MASTL: variants seen among roughly 807,000 people sequenced by gnomAD.
MASTL encodes serine/threonine-protein kinase greatwall.
In MASTL, 54 loss-of-function variants were observed where a neutral mutation model predicts 82.5. The observed-to-expected ratio is 0.65, with a 90% CI of 0.53 to 0.82. MASTL has a LOEUF of 0.82. Ranked by LOEUF, MASTL falls within the 40% of genes least tolerant of loss-of-function variation. The probability of loss-of-function intolerance (pLI) is 0.00; values close to 1 mark genes in which losing one functional copy is unlikely to be tolerated. For missense variants in MASTL, 950 were observed against 1,047.8 expected (o/e 0.91, Z 1.29); for synonymous variants, 323 against 368.9 (o/e 0.88, Z 1.43).
rs115786098 is a variant in MASTL, at chr10:27,183,733, T to C, written c.2482+2152T>C. Among the ~76,000 whole-genome samples, 838 of 152,196 alleles carry C rather than the reference T, an allele frequency of 5.5e-3. 12 individuals carry two copies. The highest frequency in any genetic ancestry group is 0.019 in the African/African-American group (784 of 41,500). ...TTTCTTTTTTTGGTTTTGGGATTTT[T>C]TTGAGACAGGATCTGGGTCTGTCGC... On this transcript the variant is annotated intron_variant, in intron 11 of 11. Coordinates refer to ENST00000375940, the MANE Select transcript of MASTL (RefSeq NM_001172303.3).
At chr10:27,157,671 C>A (rs1307512834) in intron 1 of MASTL, among the ~76,000 whole-genome samples, 2 of 152,030 alleles carry the variant, frequency 1.3e-5, no homozygotes, top group African/African-American at 2.4e-5. Flanking sequence ...TTTCTTAGTG[C>A]TCCAACTTTA....
At chr10:27,175,036 G>A (rs1255917522) in intron 9 of MASTL, among the ~76,000 whole-genome samples, 1 of 151,254 alleles carries the variant, frequency 6.6e-6, no homozygotes, top group Admixed American at 6.6e-5. Context: ...TTTCCTTGCC[G>A]GCTTTTATCC....
intron 4 of MASTL, among the ~76,000 whole-genome samples, chr10:27,162,608 G>T (rs1564485069): frequency 6.6e-6 from 1 of 152,078 alleles, no homozygotes; most frequent in Non-Finnish European, 1.5e-5. Flanking sequence ...GGCAGAGGTT[G>T]CAGTGAGCCA....
At chr10:27,184,131 G>C (rs983658974) in intron 11 of MASTL, among the ~76,000 whole-genome samples, 4 of 152,134 alleles carry the variant, frequency 2.6e-5, no homozygotes, top group African/African-American at 4.8e-5. Context: ...CTGTCCTCGT[G>C]GAACTTACAT....
intron 2 of MASTL, among the ~76,000 whole-genome samples, chr10:27,158,983 TGA>T: frequency 6.6e-6 from 1 of 152,336 alleles, no homozygotes; most frequent in South Asian, 2.1e-4. Flanking sequence ...AAAGATCACT[TGA>T]GGCCAAGAGT....
chr10:27,184,158 A>C (rs1223566289), intron 11 of MASTL, among the ~76,000 whole-genome samples: 4 of 152,238 alleles, frequency 2.6e-5, no homozygotes, highest in Admixed American at 2.6e-4. Flanking sequence ...GGAAAGAGAG[A>C]CAGTGAACAG....
chr10:27,177,036 G>A (rs958197693), intron 9 of MASTL, among the ~76,000 whole-genome samples: 13 of 151,832 alleles, frequency 8.6e-5, no homozygotes, highest in Admixed American at 8.5e-4. Context: ...GTAGAGACGG[G>A]GTTTCACCAT....
rs12771194 is a variant in MASTL at position 27,180,681 on chromosome 10, C to G, written c.2267-272C>G. On this transcript the variant is annotated intron_variant, in intron 9 of 11. Coordinates refer to ENST00000375940, the MANE Select transcript of MASTL (RefSeq NM_001172303.3). ...TGCCAGGATTACAGGCATAAGCCAC[C>G]GCGCCCAGCTCTACCTTGCATTTTT... Among the ~76,000 whole-genome samples the G allele has an allele frequency of 0.082, 12,437 of 152,192 alleles. 731 individuals are homozygous for G. Among genetic ancestry groups the G allele is most frequent in the East Asian group, 0.29 (1,503 of 5,162 alleles).
rs80148690 is a variant in MASTL at position 27,162,637 on chromosome 10, C to G, written c.553+1455C>G. Among the ~76,000 whole-genome samples the G allele has an allele frequency of 2.7e-3, 409 of 152,088 alleles. 4 individuals carry two copies. The highest frequency in any genetic ancestry group is 9.3e-3 in the African/African-American group (386 of 41,482). ...TGAGCCAAGATCACGACACTGCACT[C>G]TAGCCTGGGGGACAGAGCGATACTC... is the stretch of plus-strand genomic sequence containing the variant. On this transcript the variant is annotated intron_variant, in intron 4 of 11. Coordinates refer to ENST00000375940, the MANE Select transcript of MASTL (RefSeq NM_001172303.3).
chr10:27,172,243 T>C (rs2057972140), intron 8 of MASTL, among the ~76,000 whole-genome samples: 1 of 152,222 alleles, frequency 6.6e-6, no homozygotes, highest in East Asian at 1.9e-4. Context: ...CCCCTGAATT[T>C]ATGTTTCGAA....
Position 27,186,668 on chromosome 10 carries a change from G to A in MASTL, c.*132G>A, listed in dbSNP as rs570707157. Reference sequence around the variant, plus strand: ...CTAGTTCAATGTGCTTTTAATGTACGTTACAGCTTTCACAGAGTTAAAAGG... The same window carrying A: ...CTAGTTCAATGTGCTTTTAATGTACATTACAGCTTTCACAGAGTTAAAAGG... On this transcript the variant is annotated 3_prime_UTR_variant, in exon 12 of 12. Transcript: ENST00000375940. 954 of 851,124 alleles carry A rather than the reference G, an allele frequency of 1.1e-3. 1 individual carries two copies. Among genetic ancestry groups the A allele is most frequent in the Non-Finnish European group, 1.3e-3 (676 of 506,874 alleles). 52.7% of individuals were successfully genotyped at this position (851,124 alleles called of 1,614,324 possible).
At chr10:27,181,610 A>G (rs1314108165) in intron 11 of MASTL, 29 bp downstream of exon 11, 2 of 1,518,072 alleles carry the variant, frequency 1.3e-6, no homozygotes, top group Admixed American at 1.7e-5. Context: ...ACATTGTTTT[A>G]CCATTGATTT....
chr10:27,155,235 T>C (rs575450280), upstream of MASTL: 124 of 618,012 alleles, frequency 2.0e-4, no homozygotes, highest in Admixed American at 3.5e-3. Flanking sequence ...AGTGTAAGGC[T>C]GCGAAGTCGG....
chr10:27,155,753 C>G (rs2057342722), intron 1 of MASTL, 141 bp downstream of exon 1: 1 of 921,748 alleles, frequency 1.1e-6, no homozygotes, highest in Admixed American at 2.1e-5. Flanking sequence ...GCCCTGCGAG[C>G]TGACTTCTTT....
Position 27,165,133 on chromosome 10 carries a change from C to T in MASTL, c.623C>T (p.Pro208Leu). The part of the protein sequence containing the change: ...AKPRQDYSRT[P>L]GQVLSLISSL... Reference sequence around the variant, plus strand: ...CCTAGACAAGATTATTCAAGAACCCCAGGACAAGTGTTATCGCTTATCAGC... The same window carrying T: ...CCTAGACAAGATTATTCAAGAACCCTAGGACAAGTGTTATCGCTTATCAGC... Residue 208 changes from proline (P) to leucine (L), a missense_variant, in exon 5 of 12, where the codon CCA (proline) becomes CTA (leucine). Coordinates refer to ENST00000375940, the MANE Select transcript of MASTL (RefSeq NM_001172303.3). 6.2e-7 allele frequency: 1 copy of T among 1,613,514 alleles called. No individual in the cohort carries two copies. The highest frequency in any genetic ancestry group is 8.5e-7 in the Non-Finnish European group (1 of 1,179,536).
At chr10:27,175,337 C>T (rs1464375546) in intron 9 of MASTL, among the ~76,000 whole-genome samples, 1 of 152,042 alleles carries the variant, frequency 6.6e-6, no homozygotes, top group African/African-American at 2.4e-5. Flanking sequence ...CATGCGCCAC[C>T]ATGCCCGGCT....
intron 11 of MASTL, among the ~76,000 whole-genome samples, chr10:27,182,788 T>C (rs2058398900): frequency 1.4e-5 from 2 of 145,578 alleles, no homozygotes; most frequent in Non-Finnish European, 3.0e-5. Context: ...CTTACCTCTT[T>C]TTTTTTTTTT....
chr10:27,177,648 G>A (rs1265064104), intron 9 of MASTL, among the ~76,000 whole-genome samples: 1 of 152,152 alleles, frequency 6.6e-6, no homozygotes, highest in Non-Finnish European at 1.5e-5. Context: ...TCCAGAGTAG[G>A]CTGGTTTCTC....
intron 11 of MASTL, among the ~76,000 whole-genome samples, chr10:27,184,012 C>A (rs1394541436): frequency 6.6e-6 from 1 of 152,056 alleles, no homozygotes; most frequent in Non-Finnish European, 1.5e-5. Flanking sequence ...ACGCCTGGCC[C>A]AGTTTGTTTA....
Sources: allele counts gnomAD v4.1 joint callset (sites outside exome capture counted in the v4.1 genomes callset), GRCh38; gene constraint gnomAD v4.1.1; transcripts MANE v1.5; gene names NCBI Gene and HGNC (gene_info 2026-07-23, HGNC 2026-07-21).